CUL3: variants seen among roughly 807,000 people sequenced by gnomAD.
The protein encoded by CUL3 is cullin 3.
CUL3 carries 19 observed loss-of-function variants against 89.1 expected under a neutral mutation model. The observed-to-expected ratio is 0.21, with a 90% CI of 0.15 to 0.31. The LOEUF (loss-of-function observed/expected upper bound fraction) is 0.31, where lower values mean the gene tolerates loss of function less well. CUL3 is among the 10% of genes least tolerant of loss of function. The pLI, the probability that CUL3 is intolerant of heterozygous loss-of-function variation, is 1.00. For synonymous variants in CUL3, 351 were observed against 308.4 expected (o/e 1.14, Z -1.45); for missense variants, 469 against 942.3 (o/e 0.50, Z 6.58).
At position 224,481,788 on chromosome 2, in the gene CUL3, G is replaced by A. The variant is rs570375246; in HGVS notation, c.2029+104C>T. 1.1e-5 allele frequency: 8 copies of A among 730,292 alleles called. No homozygotes were observed. In the South Asian group the frequency reaches 2.4e-4, roughly 22 times the overall value. 45.2% of individuals were successfully genotyped at this position (730,292 alleles called of 1,614,324 possible). A position where few individuals can be genotyped will look rare whatever the true frequency, so the allele number is the denominator to read the frequency against. On this transcript the variant is annotated intron_variant, in intron 14 of 15. Coordinates refer to ENST00000264414, the MANE Select transcript of CUL3 (RefSeq NM_003590.5). ...CTTTCTTAAGCCTAAGTATCATGCA[G>A]CACCAGAAAAGGAGTATTTTTAAAA...
At chr2:224,534,064 T>G (rs951148617) in intron 3 of CUL3, among the ~76,000 whole-genome samples, 1 of 152,188 alleles carries the variant, frequency 6.6e-6, no homozygotes, top group Non-Finnish European at 1.5e-5. Flanking sequence ...GGTAAAACTT[T>G]GGGAAAAATA....
chr2:224,520,206 A>G (rs776922182), intron 3 of CUL3, among the ~76,000 whole-genome samples: 3 of 152,252 alleles, frequency 2.0e-5, no homozygotes, highest in Non-Finnish European at 4.4e-5. Flanking sequence ...TCATCACCAC[A>G]GAGATAAACC....
At chr2:224,553,181 CTG>C (rs1378157254) in intron 2 of CUL3, among the ~76,000 whole-genome samples, 1 of 152,180 alleles carries the variant, frequency 6.6e-6, no homozygotes, top group Admixed American at 6.5e-5. Flanking sequence ...TACAGTAGTA[CTG>C]TGTTTATATG....
intron 1 of CUL3, among the ~76,000 whole-genome samples, chr2:224,565,639 A>G (rs115245429): frequency 0.011 from 1,704 of 152,286 alleles, 31 homozygotes; most frequent in African/African-American, 0.039. Context: ...AGATTCTCTA[A>G]TGTCAACTTG....
At chr2:224,528,555 C>T (rs1383623535) in intron 3 of CUL3, among the ~76,000 whole-genome samples, 1 of 145,168 alleles carries the variant, frequency 6.9e-6, no homozygotes, top group Non-Finnish European at 1.5e-5. Flanking sequence ...GAGTAGCCTA[C>T]CACACTCCTT....
chr2:224,545,764 A>G (rs1366922762), intron 2 of CUL3, among the ~76,000 whole-genome samples: 1 of 152,198 alleles, frequency 6.6e-6, no homozygotes, highest in Non-Finnish European at 1.5e-5. Flanking sequence ...TGACCTCAAT[A>G]CAAAGTAGAA....
intron 6 of CUL3, among the ~76,000 whole-genome samples, chr2:224,507,916 AAT>A (rs1238225789): frequency 6.6e-6 from 1 of 152,160 alleles, no homozygotes; most frequent in Non-Finnish European, 1.5e-5. Context: ...GAGGCTGACC[AAT>A]GTTTTTTCTG....
At position 224,548,108 on chromosome 2, in the gene CUL3, A is replaced by T. The variant is rs114931755; in HGVS notation, c.264+9551T>A. On this transcript the variant is annotated intron_variant, in intron 2 of 15. Coordinates refer to ENST00000264414, the MANE Select transcript of CUL3 (RefSeq NM_003590.5). Reference sequence around the variant, plus strand: ...CAGTTTACAAAGAAATTCAAAAAAGAAAGTCACTTGAAACTTGAAACCATG... The same window carrying T: ...CAGTTTACAAAGAAATTCAAAAAAGTAAGTCACTTGAAACTTGAAACCATG... 5.8e-3 allele frequency among the ~76,000 whole-genome samples: 890 copies of T among 152,366 alleles called. 12 individuals carry two copies. Among genetic ancestry groups the T allele is most frequent in the African/African-American group, 0.02 (838 of 41,574 alleles).
intron 2 of CUL3, among the ~76,000 whole-genome samples, chr2:224,552,592 T>C (rs1042081984): frequency 6.6e-6 from 1 of 152,228 alleles, no homozygotes; most frequent in African/African-American, 2.4e-5. Context: ...GTAGTCTGTG[T>C]TGCGCTACTT....
intron 13 of CUL3, 53 bp from the exon 14 acceptor site, chr2:224,482,131 T>C (rs1164826668): frequency 6.2e-6 from 9 of 1,442,814 alleles, no homozygotes; most frequent in African/African-American, 2.9e-5. Context: ...TTAAAGTTAG[T>C]TAATTAGCAA....
chr2:224,500,556 T>C, intron 10 of CUL3, 69 bp from the exon 11 acceptor site: 2 of 1,463,418 alleles, frequency 1.4e-6, no homozygotes, highest in South Asian at 2.6e-5. Context: ...TGTTTAGACA[T>C]TGTGTTAGAT....
At chr2:224,545,135 G>A (rs1379079816) in intron 2 of CUL3, among the ~76,000 whole-genome samples, 2 of 152,014 alleles carry the variant, frequency 1.3e-5, no homozygotes, top group African/African-American at 4.8e-5. Flanking sequence ...TCTCAAACAA[G>A]CTTCTACTAA....
Position 224,585,149 on chromosome 2 carries a change from GC to G in CUL3, c.-141del, listed in dbSNP as rs1695551483. On this transcript the variant is annotated 5_prime_UTR_variant, in exon 1 of 16. Transcript: ENST00000264414. ...CCGGGCAGGGCTGGGGAGCTGGCCG[GC>G]CCCTGGGCAGCCGCGGCGGCGGCGG... The G allele has an allele frequency of 4.4e-6, 2 of 454,572 alleles. No individual in the cohort carries two copies. Among genetic ancestry groups the G allele is most frequent in the Middle Eastern group, 8.9e-4 (1 of 1,124 alleles). 28.2% of individuals were successfully genotyped at this position (454,572 alleles called of 1,614,324 possible).
chr2:224,552,842 G>C (rs943970994), intron 2 of CUL3, among the ~76,000 whole-genome samples: 21 of 152,168 alleles, frequency 1.4e-4, no homozygotes, highest in African/African-American at 4.6e-4. Flanking sequence ...ATTAAAAACT[G>C]ATGAGCAGAC....
At chr2:224,576,139 G>T (rs1695291696) in intron 1 of CUL3, among the ~76,000 whole-genome samples, 1 of 152,076 alleles carries the variant, frequency 6.6e-6, no homozygotes, top group Admixed American at 6.6e-5. Flanking sequence ...GATGGAAGTG[G>T]CAATAAACCA....
At chr2:224,581,554 G>C (rs1695438229) in intron 1 of CUL3, among the ~76,000 whole-genome samples, 1 of 149,202 alleles carries the variant, frequency 6.7e-6, no homozygotes, top group Admixed American at 6.7e-5. Context: ...CCAGGCTGGA[G>C]TGCAGTGGCA....
chr2:224,564,311 T>C lies in CUL3; in HGVS notation c.67-6455A>G, dbSNP rs117398743. Among the ~76,000 whole-genome samples the C allele has an allele frequency of 1.1e-3, 175 of 152,244 alleles. 2 individuals carry two copies. In the East Asian group the frequency reaches 0.032, roughly 28 times the overall value. ...AAAGAAAAGAACACATCTTCTTCTA[T>C]CCACGAAACTGTGGAGAAGGAAAAA... On this transcript the variant is annotated intron_variant, in intron 1 of 15. Transcript: ENST00000264414.
At chr2:224,543,506 A>G (rs953332435) in intron 2 of CUL3, among the ~76,000 whole-genome samples, 1 of 152,232 alleles carries the variant, frequency 6.6e-6, no homozygotes, top group Non-Finnish European at 1.5e-5. Flanking sequence ...CTAAGGTTGA[A>G]TATCACTTAT....
chr2:224,565,632 TTCTCTA>T (rs1322782692), intron 1 of CUL3, among the ~76,000 whole-genome samples: 1 of 152,190 alleles, frequency 6.6e-6, no homozygotes, highest in Non-Finnish European at 1.5e-5. Context: ...TCCTGCCAGA[TTCTCTA>T]ATGTCAACTT....
Sources: allele counts gnomAD v4.1 joint callset (sites outside exome capture counted in the v4.1 genomes callset), GRCh38; gene constraint gnomAD v4.1.1; transcripts MANE v1.5; gene names NCBI Gene and HGNC (gene_info 2026-07-23, HGNC 2026-07-21).